The following KHSRP variants were observed in gnomAD, a reference collection of about 807,000 sequenced individuals.
KHSRP encodes the protein far upstream element-binding protein 2.
A neutral mutation model predicts 94.9 loss-of-function variants in KHSRP; 13 were observed. That is an observed-to-expected ratio of 0.14 (90% CI 0.09 to 0.22). The LOEUF (loss-of-function observed/expected upper bound fraction) is 0.22, where lower values mean the gene tolerates loss of function less well. Among genes scored for constraint, KHSRP ranks in the 10% least tolerant of loss-of-function variants. The probability of loss-of-function intolerance (pLI) is 1.00; values close to 1 mark genes in which losing one functional copy is unlikely to be tolerated. For missense variants in KHSRP, 710 were observed against 1,010.0 expected (o/e 0.70, Z 4.03); for synonymous variants, 495 against 401.4 (o/e 1.23, Z -2.79).
Position 6,414,583 on chromosome 19 carries a change from G to A in KHSRP, c.*441C>T, listed in dbSNP as rs1018585665. ...GAGCGCATGGGAGGCTGAGCCCGGC[G>A]GGGCAGGGGCCTGGGCCGCTCCCCG... On this transcript the variant is annotated 3_prime_UTR_variant, in exon 19 of 19. Coordinates refer to ENST00000600480, the MANE Select transcript of KHSRP (RefSeq NM_001366299.1). The A allele has an allele frequency of 4.5e-5, 46 of 1,015,272 alleles. No homozygotes were observed. Among genetic ancestry groups the A allele is most frequent in the African/African-American group, 1.0e-4 (6 of 58,096 alleles). The allele number at this position is 1,015,272 out of a possible 1,614,324, so 62.9% of individuals were successfully genotyped here. A position where few individuals can be genotyped will look rare whatever the true frequency, so the allele number is the denominator to read the frequency against.
In KHSRP at chr19:6,422,356, T is replaced by C. The variant is rs2145124646; in HGVS notation, c.330A>G (p.Arg110=). The C allele has an allele frequency of 3.1e-6, 5 of 1,613,108 alleles. No homozygotes were observed. The South Asian group carries it at 5.5e-5, about 18-fold the overall frequency. ...TPDFGFGGQK[R]QLEDGDQPES... is the part of the protein sequence containing the mutation. ...GGGAGTTACCTCCATCTTCCAACTGTCTCTTTTGGCCCCCAAAACCAAAAT... is the reference window on the plus strand; with the variant it reads ...GGGAGTTACCTCCATCTTCCAACTGCCTCTTTTGGCCCCCAAAACCAAAAT... Residue 110 remains arginine, a synonymous_variant, in exon 2 of 19, where the codon AGA becomes AGG. Transcript: ENST00000600480.
At position 6,417,659 on chromosome 19, in the gene KHSRP, G is replaced by A. The variant is rs73920663; in HGVS notation, c.1081+80C>T. The A allele has an allele frequency of 5.4e-3, 6,590 of 1,224,520 alleles. 282 individuals carry two copies. The African/African-American group carries it at 0.088, about 16-fold the overall frequency. 75.9% of individuals were successfully genotyped at this position (1,224,520 alleles called of 1,614,324 possible). A position where few individuals can be genotyped will look rare whatever the true frequency, so the allele number is the denominator to read the frequency against. On this transcript the variant is annotated intron_variant, in intron 11 of 18. Coordinates refer to ENST00000600480, the MANE Select transcript of KHSRP (RefSeq NM_001366299.1). Reference sequence around the variant, plus strand: ...CTATGGAGGCCACCTGGCTGACCACGGTGCCCAGCTCCCTCAGAGCCTGCC... The same window carrying A: ...CTATGGAGGCCACCTGGCTGACCACAGTGCCCAGCTCCCTCAGAGCCTGCC...
rs906704499 is a variant in KHSRP, at chr19:6,413,464, G to C, written c.*1560C>G. On this transcript the variant is annotated 3_prime_UTR_variant, in exon 19 of 19. Transcript: ENST00000600480. ...TTCAGTTTCAATCTCCTCTTGAACAGATGAAAAGACAACAGACCAGTCCTG... is the reference window on the plus strand; with the variant it reads ...TTCAGTTTCAATCTCCTCTTGAACACATGAAAAGACAACAGACCAGTCCTG... 19 of 392,092 alleles carry C rather than the reference G, an allele frequency of 4.8e-5. No individual in the cohort carries two copies. The Admixed American group carries it at 5.4e-4, about 11-fold the overall frequency. The allele number at this position is 392,092 out of a possible 1,614,324, so 24.3% of individuals were successfully genotyped here.
intron 4 of KHSRP, 50 bp from the exon 5 acceptor site, chr19:6,420,521 A>G (rs1568344620): frequency 3.8e-6 from 6 of 1,565,568 alleles, no homozygotes; most frequent in Non-Finnish European, 5.3e-6. Context: ...AGGGAGGAGG[A>G]CAGCAGCTCT....
rs764561960 is a variant in KHSRP, at chr19:6,416,538, T to C, written c.1440A>G (p.Ser480=). Residue 480 remains serine (S), a synonymous_variant, in exon 14 of 19, where the codon TCA becomes TCG. Transcript: ENST00000600480. ...PNFKLFIIRG[S]PQQIDHAKQL... is the part of the protein sequence containing the mutation. ...GCTTGGCGTGGTCAATCTGCTGGGGTGAACCCCGGATGATGAACAACTTGA... is the reference window on the plus strand; with the variant it reads ...GCTTGGCGTGGTCAATCTGCTGGGGCGAACCCCGGATGATGAACAACTTGA... The C allele has an allele frequency of 8.1e-6, 13 of 1,613,764 alleles. No homozygotes were observed. The East Asian group carries it at 2.5e-4, about 30-fold the overall frequency.
Position 6,414,175 on chromosome 19 carries a change from A to T in KHSRP, c.*849T>A. 6.3e-7 allele frequency: 1 copy of T among 1,584,616 alleles called. No individual in the cohort carries two copies. The highest frequency in any genetic ancestry group is 8.6e-7 in the Non-Finnish European group (1 of 1,164,192). Reference sequence around the variant, plus strand: ...CACTACGGGGAGGGAAGGGTGGGAGACTAGGGGGCGGAAGAGAGGAGGGGC... The same window carrying T: ...CACTACGGGGAGGGAAGGGTGGGAGTCTAGGGGGCGGAAGAGAGGAGGGGC... On this transcript the variant is annotated 3_prime_UTR_variant, in exon 19 of 19. Coordinates refer to ENST00000600480, the MANE Select transcript of KHSRP (RefSeq NM_001366299.1).
In KHSRP at chr19:6,413,517, G is replaced by A; in HGVS notation, c.*1507C>T. The A allele has an allele frequency of 3.1e-6, 1 of 318,756 alleles. No homozygotes were observed. The highest frequency in any genetic ancestry group is 6.5e-6 in the Non-Finnish European group (1 of 153,910). 19.7% of individuals were successfully genotyped at this position (318,756 alleles called of 1,614,324 possible). On this transcript the variant is annotated 3_prime_UTR_variant, in exon 19 of 19. Transcript: ENST00000600480. ...AGGGGGGACGGGCGGGGCCGCGGGA[G>A]CTGAGCCAGGGCGGGAGGGAGAGAA...
At chr19:6,422,960 G>A (rs2092204054) in intron 1 of KHSRP, among the ~76,000 whole-genome samples, 1 of 152,160 alleles carries the variant, frequency 6.6e-6, no homozygotes, top group Non-Finnish European at 1.5e-5. Flanking sequence ...CAAGGGATAT[G>A]AAATCCTCAT....
chr19:6,415,864 G>A lies in KHSRP; in HGVS notation c.1631C>T (p.Pro544Leu). The change falls in exon 16 of 19, where the codon CCC becomes CTC. Residue 544 changes from proline to leucine, a missense_variant. Transcript: ENST00000600480. Reference sequence around the variant, plus strand: ...GGGGTAGGTATTGCCCCAGCCCTGGGGTGGGTACTGGTGAGGAGGGGGCCC... The same window carrying A: ...GGGGTAGGTATTGCCCCAGCCCTGGAGTGGGTACTGGTGAGGAGGGGGCCC... ...AGGPPPHQYP[P>L]QGWGNTYPQW... 2 of 1,552,276 alleles carry A rather than the reference G, an allele frequency of 1.3e-6. No homozygotes were observed. The highest frequency in any genetic ancestry group is 1.2e-5 in the South Asian group (1 of 82,524).
chr19:6,419,548 A>G (rs1324711070), intron 6 of KHSRP, among the ~76,000 whole-genome samples: 2 of 152,210 alleles, frequency 1.3e-5, no homozygotes, highest in East Asian at 3.8e-4. Flanking sequence ...AATGATGACC[A>G]GAGCCGCTTC....
At position 6,419,235 on chromosome 19, in the gene KHSRP, A is replaced by G. The variant is rs755316453; in HGVS notation, c.573T>C (p.Ser191=). The change falls in exon 7 of 19, where the codon AGT becomes AGC. Residue 191 remains serine (S), a synonymous_variant. Coordinates refer to ENST00000600480, the MANE Select transcript of KHSRP (RefSeq NM_001366299.1). ...SPDSGGLPER[S]VSLTGAPESV... is the part of the protein sequence containing the mutation. The stretch of plus-strand genomic sequence containing the variant: ...ATTCTGGGGCTCCTGTCAAGGACAC[A>G]CTGCGCTCGGGTAGGCCACCGCTGT... 6.3e-7 allele frequency: 1 copy of G among 1,583,296 alleles called. No individual in the cohort carries two copies.
chr19:6,417,198 G>T (rs552637900), intron 11 of KHSRP, 111 bp from the exon 12 acceptor site: 2 of 772,890 alleles, frequency 2.6e-6, no homozygotes, highest in African/African-American at 3.5e-5. Context: ...GATCTCAGAC[G>T]CGCTGCGCCG....
chr19:6,413,733 G>A lies in KHSRP; in HGVS notation c.*1291C>T, dbSNP rs547581070. ...CTTTATCCTCAGAGAGGCAGGTTCA[G>A]GAAGGCTGGGGGGTGAAGAATAGAG... On this transcript the variant is annotated 3_prime_UTR_variant, in exon 19 of 19. Transcript: ENST00000600480. 2 of 152,990 alleles carry A rather than the reference G, an allele frequency of 1.3e-5. No homozygotes were observed. The highest frequency in any genetic ancestry group is 2.9e-5 in the Non-Finnish European group (2 of 68,932). 9.5% of individuals were successfully genotyped at this position (152,990 alleles called of 1,614,324 possible).
rs989537069 is a variant in KHSRP at position 6,418,233 on chromosome 19, G to C, written c.880-154C>G. Reference sequence around the variant, plus strand: ...AGCTCTCTACCTGCCACTTTAATGGGGAGGCACTACCAGCAGCCCCGTTTC... The same window carrying C: ...AGCTCTCTACCTGCCACTTTAATGGCGAGGCACTACCAGCAGCCCCGTTTC... On this transcript the variant is annotated intron_variant, in intron 9 of 18. Transcript: ENST00000600480. The surrounding 1 kb of genome is among the most constrained non-coding windows in gnomAD (Gnocchi z 4.3). 2.6e-5 allele frequency among the ~76,000 whole-genome samples: 4 copies of C among 152,080 alleles called. No homozygotes were observed. Among genetic ancestry groups the C allele is most frequent in the Non-Finnish European group, 4.4e-5 (3 of 68,006 alleles).
intron 4 of KHSRP, chr19:6,420,869 T>C (rs932532897): frequency 2.7e-6 from 1 of 367,818 alleles, no homozygotes; most frequent in African/African-American, 2.1e-5. Flanking sequence ...CCTCAGTCCA[T>C]CTGGTGGGGC....
Position 6,413,986 on chromosome 19 carries a change from G to C in KHSRP, c.*1038C>G. ...AAGTCCCCCCCACCCTGCTTGCCGC[G>C]AGGGCTCCCCAGTACTCCCCACGGC... On this transcript the variant is annotated 3_prime_UTR_variant, in exon 19 of 19. Transcript: ENST00000600480. The C allele has an allele frequency of 6.5e-6, 7 of 1,069,718 alleles. No homozygotes were observed. The highest frequency in any genetic ancestry group is 3.0e-5 in the East Asian group (1 of 32,992). 66.3% of individuals were successfully genotyped at this position (1,069,718 alleles called of 1,614,324 possible). A position where few individuals can be genotyped will look rare whatever the true frequency, so the allele number is the denominator to read the frequency against.
In KHSRP at chr19:6,414,425, C is replaced by T. The variant is rs915736613; in HGVS notation, c.*599G>A. On this transcript the variant is annotated 3_prime_UTR_variant, in exon 19 of 19. Coordinates refer to ENST00000600480, the MANE Select transcript of KHSRP (RefSeq NM_001366299.1). ...CTGCCCTGTCTCCGGAGGGCGGTGG[C>T]TCCCGGCGCAGCACGACGACATGAA... 5.5e-6 allele frequency: 7 copies of T among 1,264,810 alleles called. No individual in the cohort carries two copies. In the Admixed American group the frequency reaches 1.1e-4, roughly 20 times the overall value. 78.3% of individuals were successfully genotyped at this position (1,264,810 alleles called of 1,614,324 possible). A position where few individuals can be genotyped will look rare whatever the true frequency, so the allele number is the denominator to read the frequency against.
At position 6,418,586 on chromosome 19, in the gene KHSRP, A is replaced by T; in HGVS notation, c.781-5T>A. 1.2e-6 allele frequency: 2 copies of T among 1,613,838 alleles called. No individual in the cohort carries two copies. Among genetic ancestry groups the T allele is most frequent in the Non-Finnish European group, 1.7e-6 (2 of 1,179,742 alleles). On this transcript the variant is annotated splice_polypyrimidine_tract_variant and splice_region_variant and intron_variant, in intron 8 of 18. Transcript: ENST00000600480. The surrounding 1 kb of genome is among the most constrained non-coding windows in gnomAD (Gnocchi z 4.3). ...CATCTTCACTCCAGCGCGTTCCTTTACAAGCAAGGTTAACCGTTAGTGCTG... is the reference window on the plus strand; with the variant it reads ...CATCTTCACTCCAGCGCGTTCCTTTTCAAGCAAGGTTAACCGTTAGTGCTG...
rs1247936053 is a variant in KHSRP, at chr19:6,414,607, C to T, written c.*417G>A. The T allele has an allele frequency of 1.8e-5, 18 of 1,010,314 alleles. No homozygotes were observed. Among genetic ancestry groups the T allele is most frequent in the African/African-American group, 1.6e-4 (9 of 57,870 alleles). 62.6% of individuals were successfully genotyped at this position (1,010,314 alleles called of 1,614,324 possible). On this transcript the variant is annotated 3_prime_UTR_variant, in exon 19 of 19. Coordinates refer to ENST00000600480, the MANE Select transcript of KHSRP (RefSeq NM_001366299.1). ...CGGGGCAGGGGCCTGGGCCGCTCCC[C>T]GCGTCCCCACCAGTCCCTGCCAGAG...
Sources: allele counts gnomAD v4.1 joint callset (sites outside exome capture counted in the v4.1 genomes callset), GRCh38; gene constraint gnomAD v4.1.1; non-coding constraint Gnocchi (gnomAD v3.1); transcripts MANE v1.5; gene names NCBI Gene and HGNC (gene_info 2026-07-23, HGNC 2026-07-21).